FIP1L1: variants seen among roughly 807,000 people sequenced by gnomAD.
FIP1L1 encodes the protein factor interacting with PAPOLA and CPSF1.
In FIP1L1, 21 loss-of-function variants were observed where a neutral mutation model predicts 84.6. The ratio of observed to expected loss-of-function variants is 0.25; its 90% CI spans 0.18 to 0.36. FIP1L1 has a LOEUF of 0.36. FIP1L1 is among the 10% of genes least tolerant of loss of function. The pLI, the probability that FIP1L1 is intolerant of heterozygous loss-of-function variation, is 1.00. For synonymous variants in FIP1L1, 263 were observed against 242.3 expected (o/e 1.09, Z -0.80); for missense variants, 526 against 751.1 (o/e 0.70, Z 3.50).
chr4:53,393,367 A>G (rs1349572722), intron 9 of FIP1L1, among the ~76,000 whole-genome samples: 1 of 152,214 alleles, frequency 6.6e-6, no homozygotes, highest in African/African-American at 2.4e-5. Context: ...AGTGTGAGAC[A>G]GCCCATCAGC....
intron 13 of FIP1L1, among the ~76,000 whole-genome samples, chr4:53,433,644 T>C (rs1444966384): frequency 6.6e-6 from 1 of 152,212 alleles, no homozygotes; most frequent in Non-Finnish European, 1.5e-5. Flanking sequence ...AATTGAAATG[T>C]AGCCCAGTAG....
intron 10 of FIP1L1, among the ~76,000 whole-genome samples, chr4:53,406,124 A>G (rs1175043973): frequency 6.6e-6 from 1 of 152,138 alleles, no homozygotes; most frequent in Admixed American, 6.6e-5. Flanking sequence ...TTGCCCATTC[A>G]GTTTGATATT....
At position 53,425,921 on chromosome 4, in the gene FIP1L1, C is replaced by T. The variant is rs764612597; in HGVS notation, c.973C>T (p.Arg325Ter). Residue 325 changes from arginine (R) to a stop codon, truncating the protein, a stop_gained, in exon 12 of 18, where the codon CGA becomes TGA. Transcript: ENST00000337488. LOFTEE classifies it high-confidence loss of function. ...TATCGGTCAGACTATAACTATCAGC[C>T]GAGTAGAAGGCAGGCGACGGGCAAA... ...DVIGQTITIS[R>*]VEGRRRANEN... 1.2e-6 allele frequency: 2 copies of T among 1,611,834 alleles called. No individual in the cohort carries two copies. The highest frequency in any genetic ancestry group is 1.7e-6 in the Non-Finnish European group (2 of 1,178,532).
At chr4:53,409,763 C>G (rs530809776) in intron 10 of FIP1L1, among the ~76,000 whole-genome samples, 1 of 152,186 alleles carries the variant, frequency 6.6e-6, no homozygotes, top group South Asian at 2.1e-4. Context: ...TAGCAATCTG[C>G]GAGACTCCGT....
chr4:53,447,240 A>G (rs1435139749), intron 15 of FIP1L1, among the ~76,000 whole-genome samples: 1 of 151,984 alleles, frequency 6.6e-6, no homozygotes, highest in Non-Finnish European at 1.5e-5. Flanking sequence ...ATAGATATGT[A>G]TTTTGCTCAG....
At chr4:53,458,264 A>C (rs199643560) in intron 16 of FIP1L1, among the ~76,000 whole-genome samples, 3 of 152,176 alleles carry the variant, frequency 2.0e-5, no homozygotes, top group East Asian at 3.8e-4. Flanking sequence ...GAAATCTGAG[A>C]TATACAAATA....
intron 1 of FIP1L1, 27 bp downstream of exon 1, chr4:53,377,950 C>G (rs749737467): frequency 6.5e-7 from 1 of 1,543,692 alleles, no homozygotes; most frequent in South Asian, 1.2e-5. Context: ...CTCTGTCTCT[C>G]GGGTTCTCTC....
rs1750982734 is a variant in FIP1L1, at chr4:53,402,792, G to C, written c.815+2953G>C. Reference sequence around the variant, plus strand: ...GGTGTAAGACAGGGAAGTTGTAGAGGAATGTCGTTTAATAAAGCCAAAGGG... The same window carrying C: ...GGTGTAAGACAGGGAAGTTGTAGAGCAATGTCGTTTAATAAAGCCAAAGGG... On this transcript the variant is annotated intron_variant, in intron 10 of 17. Transcript: ENST00000337488. 5.3e-5 allele frequency among the ~76,000 whole-genome samples: 8 copies of C among 152,158 alleles called. No homozygotes were observed. The South Asian group carries it at 1.7e-3, about 32-fold the overall frequency.
At chr4:53,386,500 G>A (rs1741158563) in intron 5 of FIP1L1, among the ~76,000 whole-genome samples, 1 of 152,196 alleles carries the variant, frequency 6.6e-6, no homozygotes, top group African/African-American at 2.4e-5. Context: ...ATAAGTGCTA[G>A]AATAGAAACA....
chr4:53,457,856 A>G (rs1430134993), intron 16 of FIP1L1, among the ~76,000 whole-genome samples: 1 of 152,174 alleles, frequency 6.6e-6, no homozygotes, highest in Admixed American at 6.5e-5. Flanking sequence ...GTTAAAGGAC[A>G]TGAAAGGAAA....
chr4:53,379,772 T>A (rs1736793823), intron 3 of FIP1L1, among the ~76,000 whole-genome samples: 1 of 152,218 alleles, frequency 6.6e-6, no homozygotes, highest in Admixed American at 6.5e-5. Context: ...GTAAGAAAGA[T>A]GTAAGTGTTC....
At chr4:53,445,578 T>G (rs1773836803) in intron 15 of FIP1L1, among the ~76,000 whole-genome samples, 1 of 152,098 alleles carries the variant, frequency 6.6e-6, no homozygotes, top group Admixed American at 6.6e-5. Context: ...AGTGACAAGA[T>G]AAAGGAAAAG....
At chr4:53,443,826 T>C (rs902099367) in intron 14 of FIP1L1, among the ~76,000 whole-genome samples, 16 of 152,136 alleles carry the variant, frequency 1.1e-4, no homozygotes, top group African/African-American at 2.9e-4. Flanking sequence ...TTATGTTAAA[T>C]AGTATTAGTA....
At chr4:53,450,391 A>G (rs1775891705) in intron 15 of FIP1L1, among the ~76,000 whole-genome samples, 1 of 152,238 alleles carries the variant, frequency 6.6e-6, no homozygotes, top group Non-Finnish European at 1.5e-5. Flanking sequence ...TCAGAGAACA[A>G]ATCTGTTACT....
chr4:53,453,070 G>C lies in FIP1L1; in HGVS notation c.1436G>C (p.Arg479Thr), dbSNP rs752971240. The C allele has an allele frequency of 6.2e-7, 1 of 1,613,660 alleles. No homozygotes were observed. The highest frequency in any genetic ancestry group is 8.5e-7 in the Non-Finnish European group (1 of 1,179,696). ...CGAGACCGTGATCGGGACAGAGAAA[G>C]AGAACGCACCAGAGAGAGAGAGAGG... ...RERDRDRDRERERTRERERER... is the reference protein window; with the variant it reads ...RERDRDRDRETERTRERERER... The change falls in exon 16 of 18, where the codon AGA (arginine) becomes ACA (threonine). Residue 479 changes from arginine (R) to threonine (T), a missense_variant. Around this residue, in one of 6 missense-constraint regions of FIP1L1, gnomAD observed 89 missense variants for 169.0 expected, o/e 0.53. Transcript: ENST00000337488.
chr4:53,389,615 C>G (rs1451902337), intron 5 of FIP1L1, among the ~76,000 whole-genome samples, 194 bp from the exon 6 acceptor site: 1 of 151,814 alleles, frequency 6.6e-6, no homozygotes, highest in Non-Finnish European at 1.5e-5. Flanking sequence ...CTCTGGAGTT[C>G]GAGACCAGCC....
chr4:53,383,205 TA>T (rs889015338), intron 4 of FIP1L1, among the ~76,000 whole-genome samples: 17 of 149,058 alleles, frequency 1.1e-4, no homozygotes, highest in African/African-American at 1.5e-4. Context: ...ATATGATAGT[TA>T]AAAAAAAAAT....
rs543600652 is a variant in FIP1L1, at chr4:53,397,903, CTT to C, written c.706-1825_706-1824del. ...AGTAGTTTTGTTTTGGCCATGGTAA[CTT>C]TGAGATGTCTGTTAGACATGAAAGA... On this transcript the variant is annotated intron_variant, in intron 9 of 17. Coordinates refer to ENST00000337488, the MANE Select transcript of FIP1L1 (RefSeq NM_030917.4). Among the ~76,000 whole-genome samples, 19 of 152,206 alleles carry C rather than the reference CTT, an allele frequency of 1.2e-4. No individual in the cohort carries two copies. In the East Asian group the frequency reaches 3.7e-3, roughly 29 times the overall value.
chr4:53,445,767 T>C (rs1287231798), intron 15 of FIP1L1, among the ~76,000 whole-genome samples: 1 of 152,160 alleles, frequency 6.6e-6, no homozygotes, highest in African/African-American at 2.4e-5. Context: ...AAGGACACCT[T>C]TGTCTTTGTA....
Sources: allele counts gnomAD v4.1 joint callset (sites outside exome capture counted in the v4.1 genomes callset), GRCh38; gene constraint gnomAD v4.1.1; regional missense constraint gnomAD v4.1.1; transcripts MANE v1.5; gene names NCBI Gene and HGNC (gene_info 2026-07-23, HGNC 2026-07-21).